The following ERC2 variants were observed in gnomAD, a reference collection of about 807,000 sequenced individuals.
ERC2 encodes ELKS/RAB6-interacting/CAST family member 2.
In ERC2, 42 loss-of-function variants were observed where a neutral mutation model predicts 114.8. The ratio of observed to expected loss-of-function variants is 0.37; its 90% CI spans 0.29 to 0.47. The LOEUF (loss-of-function observed/expected upper bound fraction) is 0.47, where lower values mean the gene tolerates loss of function less well. Ranked by LOEUF, ERC2 falls within the 20% of genes least tolerant of loss-of-function variation. The probability of loss-of-function intolerance (pLI) is 0.99; values close to 1 mark genes in which losing one functional copy is unlikely to be tolerated. For synonymous variants in ERC2, 454 were observed against 425.5 expected, an observed-to-expected ratio of 1.07 and a Z score of -0.82; for missense variants, 939 against 1,150.7, an observed-to-expected ratio of 0.82 and a Z score of 2.66.
At chr3:55,951,387 C>G (rs771732002) in intron 12 of ERC2, among the ~76,000 whole-genome samples, 2 of 152,116 alleles carry the variant, frequency 1.3e-5, no homozygotes, top group Non-Finnish European at 2.9e-5. Context: ...AAATAAAGCT[C>G]TGGGGCTTGG....
At chr3:55,585,950 A>G (rs1462771712) in intron 17 of ERC2, among the ~76,000 whole-genome samples, 2 of 152,242 alleles carry the variant, frequency 1.3e-5, no homozygotes, top group African/African-American at 4.8e-5. Flanking sequence ...GAAATAAAGT[A>G]AAGAAAATCC....
At chr3:56,167,789 C>A (rs769683728) in intron 4 of ERC2, among the ~76,000 whole-genome samples, 1 of 152,044 alleles carries the variant, frequency 6.6e-6, no homozygotes, top group African/African-American at 2.4e-5. Flanking sequence ...GACTTCAGAG[C>A]AAGACTTAAA....
chr3:56,254,582 A>T (rs2123178), intron 3 of ERC2, among the ~76,000 whole-genome samples: 1 of 151,902 alleles, frequency 6.6e-6, no homozygotes, highest in East Asian at 1.9e-4. Context: ...CATTTGCACA[A>T]TCATTCATTC....
chr3:55,604,943 G>A (rs899273843), intron 17 of ERC2, among the ~76,000 whole-genome samples: 6 of 152,152 alleles, frequency 3.9e-5, no homozygotes, highest in African/African-American at 1.4e-4. Context: ...TCCATCTACA[G>A]AGATTCTGAT....
intron 3 of ERC2, among the ~76,000 whole-genome samples, chr3:56,285,356 G>A (rs1013289395): frequency 1.3e-5 from 2 of 151,650 alleles, no homozygotes; most frequent in African/African-American, 4.9e-5. Flanking sequence ...AGCACAATCT[G>A]GGGAAGAGTG....
intron 17 of ERC2, among the ~76,000 whole-genome samples, chr3:55,614,484 A>G (rs1420477287): frequency 6.6e-6 from 1 of 152,174 alleles, no homozygotes; most frequent in Non-Finnish European, 1.5e-5. Flanking sequence ...CTTCATATGA[A>G]AAACTGTCTA....
intron 14 of ERC2, among the ~76,000 whole-genome samples, chr3:55,817,565 T>C (rs2059952078): frequency 6.6e-6 from 1 of 152,240 alleles, no homozygotes; most frequent in African/African-American, 2.4e-5. Flanking sequence ...TTGACTCATA[T>C]ATTTATTAGA....
intron 17 of ERC2, among the ~76,000 whole-genome samples, chr3:55,660,692 G>A (rs776714280): frequency 3.9e-5 from 6 of 152,080 alleles, no homozygotes; most frequent in South Asian, 2.1e-4. Context: ...AATTGGGGTC[G>A]TGGTGCACTG....
At chr3:55,667,123 TA>T (rs2061386194) in intron 17 of ERC2, among the ~76,000 whole-genome samples, 1 of 152,154 alleles carries the variant, frequency 6.6e-6, no homozygotes, top group Non-Finnish European at 1.5e-5. Context: ...TTGGGGAGGA[TA>T]ATGGAAGATA....
chr3:55,899,147 A>G (rs1336967916), intron 13 of ERC2, among the ~76,000 whole-genome samples: 1 of 152,246 alleles, frequency 6.6e-6, no homozygotes, highest in African/African-American at 2.4e-5. Context: ...TTGTTGTCCA[A>G]TGGTGATGTT....
chr3:55,673,040 C>T (rs1022973108), intron 17 of ERC2, among the ~76,000 whole-genome samples: 6 of 152,190 alleles, frequency 3.9e-5, no homozygotes, highest in Admixed American at 3.3e-4. Context: ...TTAGATTTCC[C>T]TGTGTCCCAA....
chr3:55,939,928 C>T lies in ERC2; in HGVS notation c.2403+10497G>A, dbSNP rs188122567. ...CAATTGGTGGATGTATTATTATAAC[C>T]GATTGCTCTAAAGAAAACAAAATGT... On this transcript the variant is annotated intron_variant, in intron 13 of 17. Transcript: ENST00000288221. Among the ~76,000 whole-genome samples, 8 of 152,268 alleles carry T rather than the reference C, an allele frequency of 5.3e-5. No homozygotes were observed. In the South Asian group the frequency reaches 1.5e-3, roughly 28 times the overall value.
intron 2 of ERC2, among the ~76,000 whole-genome samples, chr3:56,302,916 C>T (rs2055979081): frequency 6.6e-6 from 1 of 152,224 alleles, no homozygotes; most frequent in Non-Finnish European, 1.5e-5. Flanking sequence ...AATCTCATGC[C>T]TGGGTCCCAG....
chr3:55,832,872 C>T (rs371970341), intron 14 of ERC2, among the ~76,000 whole-genome samples: 5 of 151,980 alleles, frequency 3.3e-5, no homozygotes, highest in African/African-American at 1.2e-4. Context: ...ACAATTTAGA[C>T]GAATGTATAA....
At chr3:55,978,614 T>G (rs1380788127) in intron 12 of ERC2, among the ~76,000 whole-genome samples, 13 of 152,230 alleles carry the variant, frequency 8.5e-5, no homozygotes, top group Admixed American at 8.5e-4. Context: ...CCTATGTGCC[T>G]TGACTGTGTT....
intron 17 of ERC2, among the ~76,000 whole-genome samples, chr3:55,540,482 G>A (rs1362053760): frequency 1.3e-5 from 2 of 152,340 alleles, no homozygotes; most frequent in African/African-American, 4.8e-5. Context: ...CTAGGGAATA[G>A]AGGTAAGAAA....
chr3:56,386,350 C>T (rs569721271), intron 2 of ERC2, among the ~76,000 whole-genome samples: 4 of 152,240 alleles, frequency 2.6e-5, no homozygotes, highest in South Asian at 2.1e-4. Context: ...CTTTGACTTT[C>T]GTTCCTATGA....
intron 17 of ERC2, among the ~76,000 whole-genome samples, chr3:55,655,355 C>G (rs1152115): frequency 0.36 from 54,118 of 152,032 alleles, 9,726 homozygotes; most frequent in East Asian, 0.4. Flanking sequence ...AAACTCCTAC[C>G]TATTTCTGCC....
chr3:55,845,551 C>CT (rs2061328803), intron 14 of ERC2, among the ~76,000 whole-genome samples: 1 of 145,538 alleles, frequency 6.9e-6, no homozygotes, highest in Non-Finnish European at 1.5e-5. Flanking sequence ...AGTAGGACTT[C>CT]TTTTTTTAGG....
Sources: gnomAD v4.1 joint callset for allele counts (sites outside exome capture counted in the v4.1 genomes callset) on GRCh38, gnomAD v4.1.1 for gene constraint, MANE v1.5 for transcripts, NCBI Gene and HGNC (gene_info 2026-07-23, HGNC 2026-07-21) for gene names.